Variants in STK26 observed in about 807,000 individuals in gnomAD.
STK26 encodes the protein serine/threonine kinase 26.
Under a neutral mutation model 34.7 loss-of-function variants are expected in STK26, and 14 were observed. The observed-to-expected ratio is 0.40, with a 90% CI of 0.27 to 0.63. STK26 has a LOEUF of 0.63. STK26 is among the 30% of genes least tolerant of loss of function. The pLI is 0.38. For missense variants in STK26, 226 were observed against 309.1 expected (o/e 0.73, Z 2.02); for synonymous variants, 100 against 109.8 (o/e 0.91, Z 0.56).
intron 7 of STK26, among the ~76,000 whole-genome samples, chrX:132,070,507 A>T (rs1464359262): frequency 1.8e-5 from 2 of 112,050 alleles, no homozygotes; most frequent in African/African-American, 6.5e-5. Context: ...AGCAGTCCAA[A>T]CTTGATATAA....
At chrX:132,057,778 A>G (rs1304805085) in intron 3 of STK26, among the ~76,000 whole-genome samples, 1 of 112,061 alleles carries the variant, frequency 8.9e-6, no homozygotes, top group African/African-American at 3.3e-5. Flanking sequence ...AAGCAGCCAA[A>G]CAGCCACTAT....
chrX:132,024,051 C>T lies in STK26; in HGVS notation c.42+392C>T, dbSNP rs766355204. ...AACGCGAGTAGTGAGTGCCCTACAC[C>T]CCCCACCCCAAACACACACTCAAGT... On this transcript the variant is annotated intron_variant, in intron 2 of 11. Coordinates refer to ENST00000394334, the MANE Select transcript of STK26 (RefSeq NM_016542.4). Among the ~76,000 whole-genome samples the T allele has an allele frequency of 2.4e-4, 27 of 111,109 alleles. No individual in the cohort carries two copies. The South Asian group carries it at 7.2e-3, about 30-fold the overall frequency.
chrX:132,051,866 T>C (rs1926702499), intron 2 of STK26, among the ~76,000 whole-genome samples: 1 of 110,711 alleles, frequency 9.0e-6, no homozygotes, highest in East Asian at 2.8e-4. Flanking sequence ...TCTTCTTGTG[T>C]TACTTTGCTG....
intron 2 of STK26, among the ~76,000 whole-genome samples, chrX:132,032,200 G>A (rs780520429): frequency 2.7e-5 from 3 of 111,326 alleles, no homozygotes; most frequent in Non-Finnish European, 5.7e-5. Context: ...TCATAGCATC[G>A]TGGATGAGAG....
At chrX:132,028,274 G>A (rs1203231335) in intron 2 of STK26, among the ~76,000 whole-genome samples, 1 of 110,620 alleles carries the variant, frequency 9.0e-6, no homozygotes, top group Non-Finnish European at 1.9e-5. Context: ...TTAATTACCA[G>A]GCTTAATAAT....
chrX:132,060,595 T>C (rs1927016142), intron 3 of STK26, among the ~76,000 whole-genome samples: 1 of 104,598 alleles, frequency 9.6e-6, no homozygotes, highest in African/African-American at 3.5e-5. Context: ...TTTTGGGTGG[T>C]TTTTTTTTTG....
At chrX:132,033,986 T>C (rs1233915136) in intron 2 of STK26, among the ~76,000 whole-genome samples, 6 of 109,500 alleles carry the variant, frequency 5.5e-5, no homozygotes, top group Non-Finnish European at 1.1e-4. Context: ...CGTGTTTTGC[T>C]ACTCCACTAC....
At chrX:132,028,354 C>T (rs981397835) in intron 2 of STK26, among the ~76,000 whole-genome samples, 2 of 111,551 alleles carry the variant, frequency 1.8e-5, no homozygotes, top group African/African-American at 6.5e-5. Context: ...ACTTATGATA[C>T]ATCTGAAAGA....
Position 132,074,216 on chromosome X carries a change from G to A in STK26, c.*57G>A, listed in dbSNP as rs1189426345. The A allele has an allele frequency of 2.8e-5, 31 of 1,115,465 alleles. No individual in the cohort carries two copies. The highest frequency in any genetic ancestry group is 7.3e-5 in the African/African-American group (4 of 54,501). The allele number at this position is 1,115,465 out of a possible 1,213,427, so 91.9% of individuals were successfully genotyped here. ...ACCCAGAGAGCCCCACCAAACCTAC[G>A]TCAAGATTAACAATGCTTAACCCAT... On this transcript the variant is annotated 3_prime_UTR_variant, in exon 12 of 12. Coordinates refer to ENST00000394334, the MANE Select transcript of STK26 (RefSeq NM_016542.4).
chrX:132,023,470 C>T, intron 1 of STK26, 38 bp from the exon 2 acceptor site: 1 of 742,103 alleles, frequency 1.3e-6, no homozygotes, highest in East Asian at 3.3e-5. Context: ...GGCTACGCGC[C>T]GCCAGCCCAG....
chrX:132,029,031 A>T (rs1255184147), intron 2 of STK26, among the ~76,000 whole-genome samples: 1 of 112,426 alleles, frequency 8.9e-6, no homozygotes, highest in African/African-American at 3.2e-5. Flanking sequence ...CAAAATAATC[A>T]AAGACTGTTA....
At chrX:132,044,766 T>G (rs192945595) in intron 2 of STK26, among the ~76,000 whole-genome samples, 732 of 46,970 alleles carry the variant, frequency 0.016, 39 homozygotes, top group Non-Finnish European at 0.023. Context: ...TATATATATA[T>G]AGAGAGATCT....
intron 2 of STK26, among the ~76,000 whole-genome samples, chrX:132,029,301 G>A (rs986948145): frequency 1.8e-5 from 2 of 111,843 alleles, no homozygotes; most frequent in African/African-American, 6.5e-5. Context: ...TTCATATTCA[G>A]TGACCTTGAG....
chrX:132,034,712 G>A (rs12840105), intron 2 of STK26, among the ~76,000 whole-genome samples: 1 of 111,412 alleles, frequency 9.0e-6, no homozygotes, highest in Non-Finnish European at 1.9e-5. Context: ...GATTGCATTA[G>A]GCTGTTGGAA....
At chrX:132,047,721 T>G in intron 2 of STK26, among the ~76,000 whole-genome samples, 1 of 112,014 alleles carries the variant, frequency 8.9e-6, no homozygotes, top group Non-Finnish European at 1.9e-5. Context: ...AATTGTAATA[T>G]GAAATATTTG....
chrX:132,035,079 A>G (rs1211835152), intron 2 of STK26, among the ~76,000 whole-genome samples: 1 of 110,767 alleles, frequency 9.0e-6, no homozygotes, highest in Non-Finnish European at 1.9e-5. Context: ...ATTTTGGGGA[A>G]TGTTGAATTT....
At chrX:132,041,558 A>C (rs1041133431) in intron 2 of STK26, among the ~76,000 whole-genome samples, 4 of 110,980 alleles carry the variant, frequency 3.6e-5, no homozygotes, top group Non-Finnish European at 7.6e-5. Flanking sequence ...TTAAGAACTA[A>C]TTAAGAAACT....
intron 3 of STK26, among the ~76,000 whole-genome samples, chrX:132,060,090 T>G (rs1926996541): frequency 1.8e-5 from 2 of 112,297 alleles, no homozygotes; most frequent in Admixed American, 1.9e-4. Flanking sequence ...CAGACGCTTA[T>G]TTATTAATGC....
chrX:132,036,131 A>G (rs1322373414), intron 2 of STK26, among the ~76,000 whole-genome samples: 1 of 111,988 alleles, frequency 8.9e-6, no homozygotes, highest in Admixed American at 9.5e-5. Flanking sequence ...GTAGGGCAAC[A>G]CCAAACAATG....
Sources: allele counts gnomAD v4.1 joint callset (sites outside exome capture counted in the v4.1 genomes callset), GRCh38; gene constraint gnomAD v4.1.1; transcripts MANE v1.5; gene names NCBI Gene and HGNC (gene_info 2026-07-23, HGNC 2026-07-21).